FAAH2: variants seen among roughly 807,000 people sequenced by gnomAD.
FAAH2 encodes fatty acid amide hydrolase 2.
FAAH2 carries 60 observed loss-of-function variants against 36.9 expected under a neutral mutation model. The observed-to-expected ratio is 1.63, with a 90% CI of 1.32 to 2.02. The LOEUF (loss-of-function observed/expected upper bound fraction) is 2.02, where lower values mean the gene tolerates loss of function less well. FAAH2 is among the 30% of genes most tolerant of loss of function. The probability of loss-of-function intolerance (pLI) is 0.00; values close to 1 mark genes in which losing one functional copy is unlikely to be tolerated. For missense variants in FAAH2, 689 were observed against 397.5 expected (o/e 1.73, Z -6.23); for synonymous variants, 214 against 143.8 (o/e 1.49, Z -3.49).
At chrX:57,352,163 C>CATATAT (rs199504409) in intron 5 of FAAH2, among the ~76,000 whole-genome samples, 1 of 82,464 alleles carries the variant, frequency 1.2e-5, no homozygotes, top group Non-Finnish European at 2.3e-5. Context: ...TATATATACA[C>CATATAT]ATATATATAT....
intron 5 of FAAH2, among the ~76,000 whole-genome samples, chrX:57,371,802 T>C (rs779433228): frequency 8.9e-6 from 1 of 111,778 alleles, no homozygotes; most frequent in Non-Finnish European, 1.9e-5. Context: ...ACTTTCCCTT[T>C]TATCCTCACC....
rs765471677 is a variant in FAAH2, at chrX:57,327,770, T to C, written c.413-3828T>C. 8.1e-5 allele frequency among the ~76,000 whole-genome samples: 9 copies of C among 111,601 alleles called. No homozygotes were observed. The South Asian group carries it at 1.9e-3, about 24-fold the overall frequency. ...CCTTTTTCAAGTTTTTTTAACTTCTTTGCCATGGGTTCAAACTTCCTCCTT... is the reference window on the plus strand; with the variant it reads ...CCTTTTTCAAGTTTTTTTAACTTCTCTGCCATGGGTTCAAACTTCCTCCTT... On this transcript the variant is annotated intron_variant, in intron 3 of 10. Transcript: ENST00000374900.
At chrX:57,432,334 A>G (rs1332363682) in intron 8 of FAAH2, among the ~76,000 whole-genome samples, 1 of 111,143 alleles carries the variant, frequency 9.0e-6, no homozygotes, top group Non-Finnish European at 1.9e-5. Context: ...GAGAAGAGAT[A>G]AAGATTATGC....
At chrX:57,343,329 A>T (rs1399666652) in intron 5 of FAAH2, among the ~76,000 whole-genome samples, 1 of 111,800 alleles carries the variant, frequency 8.9e-6, no homozygotes, top group African/African-American at 3.2e-5. Context: ...TGTGTGAGAC[A>T]GTATCTCATT....
intron 5 of FAAH2, among the ~76,000 whole-genome samples, chrX:57,375,267 C>T (rs1381429917): frequency 2.8e-5 from 3 of 105,856 alleles, no homozygotes; most frequent in Non-Finnish European, 5.8e-5. Context: ...CCTTCTTTCT[C>T]TATCTTGTGG....
chrX:57,150,040 G>A, the FAAH2 span, among the ~76,000 whole-genome samples: 10 of 112,049 alleles, frequency 8.9e-5, no homozygotes, highest in East Asian at 2.5e-3. Context: ...TCAGGAGCAG[G>A]TTGTTCAGTT....
chrX:57,336,062 C>T (rs1033933619), intron 4 of FAAH2, among the ~76,000 whole-genome samples: 4 of 111,603 alleles, frequency 3.6e-5, no homozygotes, highest in Non-Finnish European at 7.5e-5. Flanking sequence ...CGAGCCCAAG[C>T]TAAGCCATCA....
chrX:57,420,455 C>G (rs1054029339), intron 7 of FAAH2, among the ~76,000 whole-genome samples: 3 of 111,512 alleles, frequency 2.7e-5, no homozygotes, highest in African/African-American at 6.5e-5. Flanking sequence ...AAGTTGGATT[C>G]CTAGGTATTT....
intron 3 of FAAH2, among the ~76,000 whole-genome samples, chrX:57,324,610 T>G (rs778740467): frequency 4.5e-5 from 5 of 112,113 alleles, no homozygotes; most frequent in Admixed American, 9.5e-5. Context: ...CAATTGTGAA[T>G]GGGAGTTCAC....
chrX:57,341,243 A>T (rs757910652), intron 4 of FAAH2, 28 bp from the exon 5 acceptor site: 10 of 1,183,419 alleles, frequency 8.5e-6, no homozygotes, highest in Non-Finnish European at 9.1e-6. Flanking sequence ...TAGATTATTT[A>T]TTTGCAAGTA....
chrX:57,133,563 C>T, the FAAH2 span, among the ~76,000 whole-genome samples: 1 of 111,197 alleles, frequency 9.0e-6, no homozygotes, highest in South Asian at 3.9e-4. Flanking sequence ...TAAGGCCCAG[C>T]TGCATGTATC....
chrX:57,485,596 C>A (rs1159049989), intron 10 of FAAH2, among the ~76,000 whole-genome samples: 1 of 111,685 alleles, frequency 9.0e-6, no homozygotes, highest in Non-Finnish European at 1.9e-5. Context: ...ATTTTGATAG[C>A]GTCCCATAAT....
At chrX:57,385,300 T>C (rs767245996) in intron 7 of FAAH2, among the ~76,000 whole-genome samples, 138 of 107,684 alleles carry the variant, frequency 1.3e-3, no homozygotes, top group African/African-American at 4.4e-3. Context: ...AAAAAAGACA[T>C]GTAAAACTAG....
chrX:57,299,407 A>C lies in FAAH2; in HGVS notation c.275+6827A>C, dbSNP rs748944144. Among the ~76,000 whole-genome samples the C allele has an allele frequency of 6.3e-5, 7 of 111,230 alleles. No homozygotes were observed. The South Asian group carries it at 1.9e-3, about 30-fold the overall frequency. ...AAGGCCTTTGACAAAATTCAACAAC[A>C]CTTCATGCTAAAAACTCTCAATAAA... On this transcript the variant is annotated intron_variant, in intron 2 of 10. Coordinates refer to ENST00000374900, the MANE Select transcript of FAAH2 (RefSeq NM_174912.4).
At chrX:57,401,075 A>G (rs1049887698) in intron 7 of FAAH2, among the ~76,000 whole-genome samples, 71 of 111,890 alleles carry the variant, frequency 6.3e-4, no homozygotes, top group African/African-American at 2.2e-3. Context: ...GTCAGCCGAG[A>G]TCATGCCACT....
chrX:57,401,311 G>T (rs987850398), intron 7 of FAAH2, among the ~76,000 whole-genome samples: 1 of 110,989 alleles, frequency 9.0e-6, no homozygotes. Flanking sequence ...AACCCTTGAG[G>T]TAAAACAGTC....
intron 7 of FAAH2, among the ~76,000 whole-genome samples, chrX:57,430,238 C>T (rs771479044): frequency 1.8e-5 from 2 of 111,884 alleles, no homozygotes; most frequent in Admixed American, 9.5e-5. Context: ...AGCCACTATT[C>T]TGATTGTAGA....
chrX:57,388,767 C>T, intron 7 of FAAH2, among the ~76,000 whole-genome samples: 1 of 111,092 alleles, frequency 9.0e-6, no homozygotes, highest in Non-Finnish European at 1.9e-5. Flanking sequence ...TTTATTCATA[C>T]ATTCTCTCCA....
At chrX:57,363,894 C>T (rs1372184523) in intron 5 of FAAH2, among the ~76,000 whole-genome samples, 3 of 110,339 alleles carry the variant, frequency 2.7e-5, no homozygotes, top group Non-Finnish European at 5.7e-5. Context: ...TGAGCAATCT[C>T]TGCACCCCAG....
Sources: gnomAD v4.1 joint callset for allele counts (sites outside exome capture counted in the v4.1 genomes callset) on GRCh38, gnomAD v4.1.1 for gene constraint, MANE v1.5 for transcripts, NCBI Gene and HGNC (gene_info 2026-07-23, HGNC 2026-07-21) for gene names.